The following STK3 variants were observed in gnomAD, a reference collection of about 807,000 sequenced individuals.
The protein encoded by STK3 is serine/threonine kinase 3.
Under a neutral mutation model 58.0 loss-of-function variants are expected in STK3, and 41 were observed. That is an observed-to-expected ratio of 0.71 (90% CI 0.55 to 0.92). STK3 has a LOEUF of 0.92. Ranked by LOEUF, STK3 falls within the 40% of genes least tolerant of loss-of-function variation. The pLI, the probability that STK3 is intolerant of heterozygous loss-of-function variation, is 0.00. For synonymous variants in STK3, 170 were observed against 191.0 expected (o/e 0.89, Z 0.91); for missense variants, 479 against 602.7 (o/e 0.79, Z 2.15).
At chr8:98,899,470 A>G (rs566963053) in intron 1 of STK3, among the ~76,000 whole-genome samples, 2 of 152,328 alleles carry the variant, frequency 1.3e-5, no homozygotes, top group African/African-American at 4.8e-5. Flanking sequence ...TTTCCTAAAC[A>G]ATACATTATA....
intron 3 of STK3, chr8:98,432,892 T>A (rs1318553511): frequency 1.8e-5 from 3 of 164,804 alleles, no homozygotes; most frequent in Non-Finnish European, 4.4e-5. Flanking sequence ...TGTGCCTCGA[T>A]TCGGGAATGG....
intron 7 of STK3, among the ~76,000 whole-genome samples, chr8:98,594,402 C>T (rs1452534315): frequency 6.6e-6 from 1 of 151,924 alleles, no homozygotes; most frequent in African/African-American, 2.4e-5. Context: ...GAGTTTGATA[C>T]CAGCCTGATC....
chr8:98,644,296 C>T (rs990494878), intron 6 of STK3, among the ~76,000 whole-genome samples: 2 of 152,026 alleles, frequency 1.3e-5, no homozygotes, highest in Non-Finnish European at 2.9e-5. Context: ...TGAATGAAAC[C>T]GAACTTGTAT....
At chr8:98,653,817 G>A (rs1047089511) in intron 6 of STK3, among the ~76,000 whole-genome samples, 16 of 152,106 alleles carry the variant, frequency 1.1e-4, no homozygotes, top group African/African-American at 3.9e-4. Flanking sequence ...ACAATAACAG[G>A]CTCTGAAATT....
chr8:98,480,030 AC>A, intron 10 of STK3, among the ~76,000 whole-genome samples: 1 of 152,168 alleles, frequency 6.6e-6, no homozygotes, highest in Non-Finnish European at 1.5e-5. Flanking sequence ...AGTGAAAATT[AC>A]CCAATCTGAA....
intron 6 of STK3, among the ~76,000 whole-genome samples, chr8:98,630,979 A>G (rs1295581334): frequency 1.3e-5 from 2 of 152,162 alleles, no homozygotes; most frequent in Non-Finnish European, 2.9e-5. Flanking sequence ...TATCTTCATC[A>G]TTCAAGATAT....
intron 9 of STK3, among the ~76,000 whole-genome samples, chr8:98,544,576 T>A (rs1207129726): frequency 6.6e-6 from 1 of 151,612 alleles, no homozygotes; most frequent in African/African-American, 2.4e-5. Flanking sequence ...GAAAAGAAAG[T>A]ATCTTACCAA....
At chr8:98,521,580 A>G (rs1825364183) in intron 10 of STK3, among the ~76,000 whole-genome samples, 1 of 151,946 alleles carries the variant, frequency 6.6e-6, no homozygotes, top group Non-Finnish European at 1.5e-5. Flanking sequence ...CCAACTTAAA[A>G]CCTTCAGTGG....
chr8:98,553,430 T>C (rs557697206), intron 8 of STK3: 1 of 152,264 alleles, frequency 6.6e-6, no homozygotes, highest in Non-Finnish European at 1.5e-5. Flanking sequence ...GTTCTTATTA[T>C]GTAATTTATT....
In STK3 at chr8:98,429,042, A is replaced by T. The variant is rs775985081; in HGVS notation, n.483+5085T>A. ...GGCCTACACCATTGAAAAGGAGGAG[A>T]ACGAGGGCCTGGCCACCATCCCTGC... On this transcript the variant is annotated intron_variant and non_coding_transcript_variant, in intron 3 of 3. Transcript: ENST00000517832. The T allele has an allele frequency of 1.9e-6, 3 of 1,613,076 alleles. No individual in the cohort carries two copies. The South Asian group carries it at 3.3e-5, about 18-fold the overall frequency.
intron 6 of STK3, among the ~76,000 whole-genome samples, chr8:98,618,897 A>G (rs1818008977): frequency 6.6e-6 from 1 of 150,630 alleles, no homozygotes; most frequent in Admixed American, 6.6e-5. Flanking sequence ...GCCCAAGGTA[A>G]TTTACAGATT....
At chr8:98,453,861 G>C (rs1819313714), downstream of STK3, among the ~76,000 whole-genome samples, 6 of 152,102 alleles carry the variant, frequency 3.9e-5, no homozygotes, top group Admixed American at 3.9e-4. Context: ...GAACAGGTTA[G>C]TAAAAAGAAA....
intron 10 of STK3, among the ~76,000 whole-genome samples, chr8:98,484,692 G>A (rs1271366958): frequency 6.6e-6 from 1 of 151,818 alleles, no homozygotes; most frequent in Admixed American, 6.6e-5. Flanking sequence ...AGAAAACACT[G>A]GAACTAGATT....
chr8:98,605,629 T>C (rs975416087), intron 6 of STK3, among the ~76,000 whole-genome samples: 4 of 152,154 alleles, frequency 2.6e-5, no homozygotes, highest in Non-Finnish European at 5.9e-5. Context: ...ATTTCTGCTG[T>C]AGTAAGTTAT....
At chr8:98,745,538 G>A (rs1036412312) in intron 4 of STK3, among the ~76,000 whole-genome samples, 2 of 152,024 alleles carry the variant, frequency 1.3e-5, no homozygotes, top group Non-Finnish European at 2.9e-5. Context: ...AGACACACGA[G>A]CAGTGTATTT....
intron 2 of STK3, among the ~76,000 whole-genome samples, chr8:98,434,832 G>C (rs933627240): frequency 1.3e-5 from 2 of 152,126 alleles, no homozygotes; most frequent in Non-Finnish European, 2.9e-5. Flanking sequence ...GAGGGAACAG[G>C]ATAGAGTGAA....
chr8:98,893,485 A>G (rs964575504), intron 1 of STK3, among the ~76,000 whole-genome samples: 218 of 37,756 alleles, frequency 5.8e-3, no homozygotes, highest in Non-Finnish European at 7.9e-3. Flanking sequence ...AAAGAAAGAA[A>G]GAGAAAGAAA....
intron 2 of STK3, among the ~76,000 whole-genome samples, chr8:98,377,945 T>A (rs1817691590): frequency 6.6e-6 from 1 of 152,140 alleles, no homozygotes; most frequent in African/African-American, 2.4e-5. Context: ...GGGGAAGCCG[T>A]GAATGCAGGG....
rs376032896 is a variant in STK3 at position 98,706,086 on chromosome 8, A to G, written c.684+381T>C. ...AAAAAAAACACACAGTAAGGTATAA[A>G]TCACAGAGTGGGTAAAAAAGTGAGA... On this transcript the variant is annotated intron_variant, in intron 6 of 10. Transcript: ENST00000419617. Among the ~76,000 whole-genome samples, 30 of 152,226 alleles carry G rather than the reference A, an allele frequency of 2.0e-4. No individual in the cohort carries two copies. In the East Asian group the frequency reaches 4.0e-3, roughly 21 times the overall value.
Sources: gnomAD v4.1 joint callset for allele counts (sites outside exome capture counted in the v4.1 genomes callset) on GRCh38, gnomAD v4.1.1 for gene constraint, MANE v1.5 for transcripts, NCBI Gene and HGNC (gene_info 2026-07-23, HGNC 2026-07-21) for gene names.